FRMD4A: variants seen among roughly 807,000 people sequenced by gnomAD.
The protein encoded by FRMD4A is FERM domain containing 4A.
In FRMD4A, 29 loss-of-function variants were observed where a neutral mutation model predicts 129.1. The observed-to-expected ratio is 0.22, with a 90% CI of 0.17 to 0.31. The LOEUF is 0.31. Among genes scored for constraint, FRMD4A ranks in the 10% least tolerant of loss-of-function variants. The pLI, the probability that FRMD4A is intolerant of heterozygous loss-of-function variation, is 1.00. For missense variants in FRMD4A, 1,272 were observed against 1,375.8 expected (o/e 0.92, Z 1.19); for synonymous variants, 634 against 571.6 (o/e 1.11, Z -1.56).
chr10:13,703,043 T>C (rs1339228182), intron 13 of FRMD4A, among the ~76,000 whole-genome samples: 1 of 152,148 alleles, frequency 6.6e-6, no homozygotes, highest in Non-Finnish European at 1.5e-5. Flanking sequence ...AACAGGGATC[T>C]GTGCTCCCAG....
intron 17 of FRMD4A, chr10:13,667,443 G>C (rs990524744): frequency 2.0e-5 from 3 of 151,314 alleles, no homozygotes; most frequent in African/African-American, 7.3e-5. Context: ...GGATGGATGA[G>C]ATTCTCCTCA....
At chr10:14,152,394 C>T (rs942001067) in intron 2 of FRMD4A, among the ~76,000 whole-genome samples, 2 of 152,106 alleles carry the variant, frequency 1.3e-5, no homozygotes, top group African/African-American at 4.8e-5. Flanking sequence ...TCCCAAAGTG[C>T]TGGGATTACA....
At chr10:14,040,659 C>T (rs1833743820) in intron 2 of FRMD4A, among the ~76,000 whole-genome samples, 1 of 152,194 alleles carries the variant, frequency 6.6e-6, no homozygotes, top group African/African-American at 2.4e-5. Context: ...CTAGACTTTC[C>T]ACCTGCAGTT....
Position 13,656,730 on chromosome 10 carries a change from CGAG to C in FRMD4A, c.2856_2858del (p.Ser953del), listed in dbSNP as rs1564525502. 1.9e-6 allele frequency: 3 copies of C among 1,593,262 alleles called. No individual in the cohort carries two copies. The highest frequency in any genetic ancestry group is 1.7e-5 in the Admixed American group (1 of 57,736). ...AGGTGCTGTACTGCGAGCCGCTGTC[CGAG>C]GAGGTGGAGCTGGTGTGCGACAGGC... On this transcript the variant is annotated inframe_deletion, in exon 22 of 25. Transcript: ENST00000357447.
intron 2 of FRMD4A, among the ~76,000 whole-genome samples, chr10:13,901,383 T>G (rs975558686): frequency 6.6e-6 from 1 of 152,142 alleles, no homozygotes; most frequent in African/African-American, 2.4e-5. Flanking sequence ...CAGGTGGATC[T>G]GCCTTGAACC....
Position 13,820,016 on chromosome 10 carries a change from G to C in FRMD4A, c.112-9108C>G, listed in dbSNP as rs138289414. ...TGGGATATATTGCCTCCTTATAAGA[G>C]AGATACAGAGGGTTTTTTAAAAACA... On this transcript the variant is annotated intron_variant, in intron 3 of 24. Transcript: ENST00000357447. Among the ~76,000 whole-genome samples, 652 of 152,296 alleles carry C rather than the reference G, an allele frequency of 4.3e-3. 10 individuals are homozygous for C. The highest frequency in any genetic ancestry group is 0.015 in the African/African-American group (606 of 41,558).
rs78948336 is a variant in FRMD4A at position 13,939,724 on chromosome 10, C to A, written c.46-80812G>T. ...AAGAATAATCAGTACTGCACAGTGA[C>A]CCCCTCTCAGACAACTTCTGGATGT... On this transcript the variant is annotated intron_variant, in intron 2 of 24. Transcript: ENST00000357447. Among the ~76,000 whole-genome samples the A allele has an allele frequency of 6.3e-3, 966 of 152,288 alleles. 4 individuals carry two copies. Among genetic ancestry groups the A allele is most frequent in the Non-Finnish European group, 0.011 (730 of 68,020 alleles).
chr10:14,104,988 G>A (rs1350266067), intron 2 of FRMD4A, among the ~76,000 whole-genome samples: 1 of 152,220 alleles, frequency 6.6e-6, no homozygotes, highest in East Asian at 1.9e-4. Flanking sequence ...CTCCTCCACT[G>A]TGGCAGGACT....
At chr10:14,133,587 T>C (rs2131831482) in intron 2 of FRMD4A, among the ~76,000 whole-genome samples, 1 of 152,194 alleles carries the variant, frequency 6.6e-6, no homozygotes, top group East Asian at 1.9e-4. Context: ...AGCTGCTGAG[T>C]CTGGGCTGCC....
chr10:13,960,541 A>G (rs2095439954), intron 2 of FRMD4A, among the ~76,000 whole-genome samples: 1 of 152,232 alleles, frequency 6.6e-6, no homozygotes, highest in Non-Finnish European at 1.5e-5. Flanking sequence ...GTGGCAAATA[A>G]GGCTATTGCC....
intron 2 of FRMD4A, among the ~76,000 whole-genome samples, chr10:14,211,714 G>A (rs1842938719): frequency 6.6e-6 from 1 of 152,160 alleles, no homozygotes; most frequent in Non-Finnish European, 1.5e-5. Flanking sequence ...GGATCGTGAT[G>A]TATTTCAACG....
At chr10:14,311,172 T>C (rs1846534465) in intron 2 of FRMD4A, among the ~76,000 whole-genome samples, 1 of 152,098 alleles carries the variant, frequency 6.6e-6, no homozygotes, top group African/African-American at 2.4e-5. Flanking sequence ...GGTCCCACAC[T>C]TGGAATCCCA....
intron 2 of FRMD4A, among the ~76,000 whole-genome samples, chr10:13,972,651 C>T (rs181909011): frequency 4.7e-4 from 71 of 152,034 alleles, no homozygotes; most frequent in African/African-American, 1.4e-3. Flanking sequence ...TTCAATTAAA[C>T]GTGTCATAAC....
intron 2 of FRMD4A, among the ~76,000 whole-genome samples, chr10:13,973,735 AAAGG>A (rs1233788194): frequency 6.6e-6 from 1 of 151,608 alleles, no homozygotes; most frequent in Non-Finnish European, 1.5e-5. Context: ...AGATAAGAAG[AAAGG>A]AAGGAAGGGA....
At chr10:14,231,462 C>A (rs565899159) in intron 2 of FRMD4A, among the ~76,000 whole-genome samples, 2 of 152,184 alleles carry the variant, frequency 1.3e-5, no homozygotes, top group East Asian at 3.9e-4. Flanking sequence ...CCTGTCTCAG[C>A]TTCCTGAGTA....
chr10:13,832,276 G>A (rs942340401), intron 3 of FRMD4A, among the ~76,000 whole-genome samples: 2 of 152,148 alleles, frequency 1.3e-5, no homozygotes, highest in Non-Finnish European at 1.5e-5. Context: ...TGCCTTTCCC[G>A]TGTGTCCACA....
At chr10:14,202,528 A>T (rs536831821) in intron 2 of FRMD4A, among the ~76,000 whole-genome samples, 2 of 152,182 alleles carry the variant, frequency 1.3e-5, no homozygotes, top group South Asian at 2.1e-4. Flanking sequence ...CAACCTCCCA[A>T]GTACGGGGAT....
At chr10:14,128,280 A>G (rs146688739) in intron 2 of FRMD4A, among the ~76,000 whole-genome samples, 1,878 of 151,472 alleles carry the variant, frequency 0.012, 31 homozygotes, top group African/African-American at 0.043. Context: ...ATTTTTATTT[A>G]TTTTGTAAAG....
intron 2 of FRMD4A, among the ~76,000 whole-genome samples, chr10:13,884,688 A>T (rs1238134076): frequency 6.6e-6 from 1 of 152,144 alleles, no homozygotes; most frequent in African/African-American, 2.4e-5. Context: ...GGGCTCTCTC[A>T]TCTGCTCCCA....
Sources: gnomAD v4.1 joint callset for allele counts (sites outside exome capture counted in the v4.1 genomes callset) on GRCh38, gnomAD v4.1.1 for gene constraint, MANE v1.5 for transcripts, NCBI Gene and HGNC (gene_info 2026-07-23, HGNC 2026-07-21) for gene names.